Variants in XXYLT1 observed in about 807,000 individuals in gnomAD.
The protein encoded by XXYLT1 is xyloside xylosyltransferase 1.
XXYLT1 carries 20 observed loss-of-function variants against 28.9 expected under a neutral mutation model. The ratio of observed to expected loss-of-function variants is 0.69; its 90% CI spans 0.49 to 1.00. The LOEUF is 1.00. XXYLT1 is among the 50% of genes least tolerant of loss of function. The pLI, the probability that XXYLT1 is intolerant of heterozygous loss-of-function variation, is 0.00. For missense variants in XXYLT1, 542 were observed against 560.1 expected (o/e 0.97, Z 0.33); for synonymous variants, 257 against 253.8 (o/e 1.01, Z -0.12).
chr3:195,088,493 C>T (rs1034935240), intron 3 of XXYLT1, among the ~76,000 whole-genome samples: 7 of 138,858 alleles, frequency 5.0e-5, no homozygotes, highest in African/African-American at 1.8e-4. Flanking sequence ...AACTAACAAA[C>T]AGAAAGGACA....
intron 2 of XXYLT1, among the ~76,000 whole-genome samples, chr3:195,207,929 G>A (rs1723143249): frequency 6.6e-6 from 1 of 152,142 alleles, no homozygotes; most frequent in Non-Finnish European, 1.5e-5. Flanking sequence ...CTCATATCAT[G>A]GCAGCTGAAT....
intron 1 of XXYLT1, among the ~76,000 whole-genome samples, chr3:195,264,922 A>G (rs1196688154): frequency 6.6e-6 from 1 of 152,140 alleles, no homozygotes; most frequent in Non-Finnish European, 1.5e-5. Flanking sequence ...CTGTGCATGG[A>G]GGCACATGCC....
intron 3 of XXYLT1, among the ~76,000 whole-genome samples, chr3:195,112,440 A>G (rs1717780191): frequency 6.6e-6 from 1 of 151,358 alleles, no homozygotes; most frequent in Admixed American, 6.6e-5. Context: ...ACACACACGC[A>G]CGCACACCCA....
At chr3:195,188,837 T>TA (rs1722307757) in intron 2 of XXYLT1, among the ~76,000 whole-genome samples, 1 of 152,228 alleles carries the variant, frequency 6.6e-6, no homozygotes, top group African/African-American at 2.4e-5. Flanking sequence ...ATTAAGCACT[T>TA]ACACAAAAAT....
At chr3:195,224,728 C>A (rs1347288358) in intron 2 of XXYLT1, among the ~76,000 whole-genome samples, 2 of 152,204 alleles carry the variant, frequency 1.3e-5, no homozygotes, top group African/African-American at 4.8e-5. Flanking sequence ...CCCCCTGGCT[C>A]CCTAGAACTA....
chr3:195,227,947 G>A (rs544502562), intron 1 of XXYLT1, among the ~76,000 whole-genome samples: 38 of 152,308 alleles, frequency 2.5e-4, no homozygotes, highest in Non-Finnish European at 5.1e-4. Context: ...GATACCAGAT[G>A]ACCATGTACT....
In XXYLT1 at chr3:195,240,107, G is replaced by C. The variant is rs79483710; in HGVS notation, c.505-13251C>G. ...GACTGAGCTTTCTTTTCAGGCAAAG[G>C]TGTCCTCAAACAGTACTTTGTTGTT... is the stretch of plus-strand genomic sequence containing the variant. On this transcript the variant is annotated intron_variant, in intron 1 of 3. Coordinates refer to ENST00000310380, the MANE Select transcript of XXYLT1 (RefSeq NM_152531.5). The surrounding 1 kb of genome is among the most constrained non-coding windows in gnomAD (Gnocchi z 4.7). Among the ~76,000 whole-genome samples, 541 of 152,276 alleles carry C rather than the reference G, an allele frequency of 3.6e-3. 2 individuals carry two copies. Among genetic ancestry groups the C allele is most frequent in the Non-Finnish European group, 5.8e-3 (396 of 68,022 alleles).
Position 195,069,796 on chromosome 3 carries a change from G to A in XXYLT1, c.1101C>T (p.Asp367=), listed in dbSNP as rs1211668769. ...CACACCTGAAATAGGCCTCGAAGAC[G>A]TCACTGTAGCCATGGTCCCTCCACC... is the stretch of plus-strand genomic sequence containing the variant. ...CTWWRDHGYS[D]VFEAYFRCEG... is the part of the protein sequence containing the mutation. Residue 367 remains aspartate (D), a synonymous_variant, in exon 4 of 4, where the codon GAC becomes GAT. Coordinates refer to ENST00000310380, the MANE Select transcript of XXYLT1 (RefSeq NM_152531.5). 8 of 1,614,174 alleles carry A rather than the reference G, an allele frequency of 5.0e-6. No homozygotes were observed. Among genetic ancestry groups the A allele is most frequent in the East Asian group, 4.5e-5 (2 of 44,886 alleles).
intron 3 of XXYLT1, among the ~76,000 whole-genome samples, chr3:195,139,688 C>T (rs7633885): frequency 0.012 from 1,756 of 152,270 alleles, 36 homozygotes; most frequent in African/African-American, 0.039. Context: ...AGGCCCCTTC[C>T]CAAAAACACT....
At chr3:195,192,090 C>T (rs190960933) in intron 2 of XXYLT1, among the ~76,000 whole-genome samples, 1 of 152,304 alleles carries the variant, frequency 6.6e-6, no homozygotes, top group African/African-American at 2.4e-5. Flanking sequence ...TTCCCTGAGA[C>T]AGACTACATA....
At chr3:195,118,094 G>GC (rs924442703) in intron 3 of XXYLT1, among the ~76,000 whole-genome samples, 1 of 152,164 alleles carries the variant, frequency 6.6e-6, no homozygotes, top group Non-Finnish European at 1.5e-5. Flanking sequence ...CAGAGATAAT[G>GC]CCCCCCTGGG....
intron 3 of XXYLT1, among the ~76,000 whole-genome samples, chr3:195,099,882 G>A (rs1716680801): frequency 6.6e-6 from 1 of 150,556 alleles, no homozygotes; most frequent in African/African-American, 2.4e-5. Flanking sequence ...CTTGTTCAGT[G>A]TAAAAGTTCT....
chr3:195,218,937 T>C (rs1404594603), intron 2 of XXYLT1, among the ~76,000 whole-genome samples: 6 of 151,792 alleles, frequency 4.0e-5, no homozygotes, highest in South Asian at 2.1e-4. Context: ...AATGATAGAC[T>C]GGATTAAGAA....
At chr3:195,261,081 C>G (rs551829073) in intron 1 of XXYLT1, among the ~76,000 whole-genome samples, 1 of 152,366 alleles carries the variant, frequency 6.6e-6, no homozygotes, top group African/African-American at 2.4e-5. Context: ...GGATGCCACA[C>G]CTCTTTCCCC....
At chr3:195,147,461 T>C (rs1246248350) in intron 3 of XXYLT1, among the ~76,000 whole-genome samples, 1 of 152,110 alleles carries the variant, frequency 6.6e-6, no homozygotes, top group African/African-American at 2.4e-5. Context: ...TCTCAGCTAC[T>C]TGGGAGGCTG....
Position 195,260,263 on chromosome 3 carries a change from G to GGGAGGGACCGCGCCGCGGA in XXYLT1, c.504+10273_504+10291dup, listed in dbSNP as rs1246188370. Among the ~76,000 whole-genome samples the GGGAGGGACCGCGCCGCGGA allele has an allele frequency of 2.8e-4, 42 of 151,336 alleles. No individual in the cohort carries two copies. In the South Asian group the frequency reaches 4.8e-3, roughly 17 times the overall value. On this transcript the variant is annotated intron_variant, in intron 1 of 3. Coordinates refer to ENST00000310380, the MANE Select transcript of XXYLT1 (RefSeq NM_152531.5). ...CGGCCCGTGTGTCGGCCCCGGGCGGGGGAGGGACCGCGCCGCGGAGGAGGG... is the reference window on the plus strand; with the variant it reads ...CGGCCCGTGTGTCGGCCCCGGGCGGGGGAGGGACCGCGCCGCGGAGGAGGGACCGCGCCGCGGAGGAGGG...
At chr3:195,135,223 C>T (rs780341987) in intron 3 of XXYLT1, among the ~76,000 whole-genome samples, 15 of 152,174 alleles carry the variant, frequency 9.9e-5, no homozygotes, top group African/African-American at 2.2e-4. Flanking sequence ...GAGATACCCT[C>T]GGTGTCCCTC....
Position 195,226,779 on chromosome 3 carries a change from A to G in XXYLT1, c.582T>C (p.Ala194=). The part of the protein sequence containing the change: ...IVEAMQKHFS[A]GLGTYYSDSI... ...AGTCACTGTAGTAGGTTCCCAAGCC[A>G]GCACTGAAGTGCTTCTGCATGGCCT... Residue 194 remains alanine (A), a synonymous_variant, in exon 2 of 4, where the codon GCT becomes GCC. Transcript: ENST00000310380. The G allele has an allele frequency of 6.2e-7, 1 of 1,613,926 alleles. No individual in the cohort carries two copies.
At position 195,195,171 on chromosome 3, in the gene XXYLT1, G is replaced by A. The variant is rs1329650866; in HGVS notation, c.652+31538C>T. Among the ~76,000 whole-genome samples, 2 of 152,086 alleles carry A rather than the reference G, an allele frequency of 1.3e-5. No individual in the cohort carries two copies. The highest frequency in any genetic ancestry group is 6.6e-5 in the Admixed American group (1 of 15,264). On this transcript the variant is annotated intron_variant, in intron 2 of 3. Coordinates refer to ENST00000310380, the MANE Select transcript of XXYLT1 (RefSeq NM_152531.5). The surrounding 1 kb of genome is among the most constrained non-coding windows in gnomAD (Gnocchi z 4.4). ...AATGGTTGTTGACGTTAAATGCTAT[G>A]GAGGGCCACTGAGAACCCTCCAGTG...
Sources: allele counts gnomAD v4.1 joint callset (sites outside exome capture counted in the v4.1 genomes callset), GRCh38; gene constraint gnomAD v4.1.1; non-coding constraint Gnocchi (gnomAD v3.1); transcripts MANE v1.5; gene names NCBI Gene and HGNC (gene_info 2026-07-23, HGNC 2026-07-21).